OVOL2: variants seen among roughly 807,000 people sequenced by gnomAD.
OVOL2 encodes the protein transcription factor Ovo-like 2.
A neutral mutation model predicts 18.1 loss-of-function variants in OVOL2; 13 were observed. The ratio of observed to expected loss-of-function variants is 0.72; its 90% CI spans 0.47 to 1.14. OVOL2 has a LOEUF of 1.14. Among genes scored for constraint, OVOL2 ranks in the 50% most tolerant of loss-of-function variants. The pLI, the probability that OVOL2 is intolerant of heterozygous loss-of-function variation, is 0.00. For synonymous variants in OVOL2, 166 were observed against 162.7 expected (o/e 1.02, Z -0.16); for missense variants, 335 against 383.0 (o/e 0.87, Z 1.05).
Position 18,024,644 on chromosome 20 carries a change from TCTC to T in OVOL2, c.817_819del (p.Glu273del), listed in dbSNP as rs776708385. The T allele has an allele frequency of 1.3e-5, 21 of 1,600,210 alleles. No homozygotes were observed. In the South Asian group the frequency reaches 2.1e-4, roughly 16 times the overall value. On this transcript the variant is annotated inframe_deletion, in exon 4 of 4. Transcript: ENST00000278780. ...CCTCCCCTTCCTTCTCCTCACTTCC[TCTC>T]CTCCTCCTCACTCAGGCTGGTATTC...
At chr20:18,048,677 A>G (rs995333400) in intron 2 of OVOL2, among the ~76,000 whole-genome samples, 13 of 152,224 alleles carry the variant, frequency 8.5e-5, no homozygotes, top group African/African-American at 2.9e-4. Flanking sequence ...ACTGCATTCC[A>G]GCCCGAGTGA....
chr20:18,043,807 A>T (rs1003659612), intron 2 of OVOL2, among the ~76,000 whole-genome samples: 4 of 152,202 alleles, frequency 2.6e-5, no homozygotes, highest in African/African-American at 9.7e-5. Flanking sequence ...CATCTGGGTG[A>T]TAAAAATGAT....
In OVOL2 at chr20:18,024,466, C is replaced by A; in HGVS notation, c.*170G>T. ...AGGTTACAGGGCCTGACGTCACTAA[C>A]GGCAACTGACAATCTTGGAATGGAC... On this transcript the variant is annotated 3_prime_UTR_variant, in exon 4 of 4. Coordinates refer to ENST00000278780, the MANE Select transcript of OVOL2 (RefSeq NM_021220.4). 9 of 1,377,422 alleles carry A rather than the reference C, an allele frequency of 6.5e-6. No individual in the cohort carries two copies. The highest frequency in any genetic ancestry group is 8.6e-6 in the Non-Finnish European group (9 of 1,050,324). The allele number at this position is 1,377,422 out of a possible 1,614,324, so 85.3% of individuals were successfully genotyped here.
At chr20:18,039,654 T>C (rs2122707165) in intron 3 of OVOL2, among the ~76,000 whole-genome samples, 1 of 148,276 alleles carries the variant, frequency 6.7e-6, no homozygotes, top group East Asian at 1.9e-4. Context: ...GAAAAAGTTT[T>C]AAAAGAGGAA....
In OVOL2 at chr20:18,056,731, C is replaced by T; in HGVS notation, c.247G>A (p.Glu83Lys). Residue 83 changes from glutamate to lysine, a missense_variant, in exon 2 of 4, where the codon GAG becomes AAG. Physicochemically the swap from Glu to Lys is moderately conservative, Grantham distance 56. Transcript: ENST00000278780. The surrounding 1 kb of genome is among the most constrained non-coding windows in gnomAD (Gnocchi z 4.2). ...TCGGGGCCCTCGGCGTCGCCGGGCT[C>T]GGGGGTTTCGCTCTCGGGGGCGTGC... ...SPHAPESETP[E>K]PGDAEGPDGH... is the part of the protein sequence containing the mutation. 3.4e-6 allele frequency: 5 copies of T among 1,479,110 alleles called. No homozygotes were observed. The highest frequency in any genetic ancestry group is 4.5e-6 in the Non-Finnish European group (5 of 1,122,130). 91.6% of individuals were successfully genotyped at this position (1,479,110 alleles called of 1,614,324 possible).
At chr20:18,048,230 C>T (rs111801459) in intron 2 of OVOL2, among the ~76,000 whole-genome samples, 27,416 of 151,754 alleles carry the variant, frequency 0.18, 2,635 homozygotes, top group African/African-American at 0.26. Flanking sequence ...GAGTTTGCAG[C>T]GAGCCAAGAT....
chr20:18,029,993 AAACAAACC>A (rs1363162067), intron 3 of OVOL2, among the ~76,000 whole-genome samples: 2 of 152,152 alleles, frequency 1.3e-5, no homozygotes, highest in African/African-American at 4.8e-5. Flanking sequence ...AACAGAAAAC[AAACAAACC>A]AACCCTCACC....
intron 3 of OVOL2, among the ~76,000 whole-genome samples, chr20:18,041,124 A>G (rs2036663751): frequency 6.6e-6 from 1 of 152,158 alleles, no homozygotes; most frequent in South Asian, 2.1e-4. Flanking sequence ...AGGTGAACCC[A>G]GAAGGGCTGG....
At chr20:18,032,667 C>T (rs909647167) in intron 3 of OVOL2, among the ~76,000 whole-genome samples, 2 of 150,462 alleles carry the variant, frequency 1.3e-5, no homozygotes, top group African/African-American at 4.9e-5. Context: ...CCACCATGCC[C>T]AGCTAATTTT....
chr20:18,037,837 T>C (rs1430614400), intron 3 of OVOL2, among the ~76,000 whole-genome samples: 1 of 152,134 alleles, frequency 6.6e-6, no homozygotes, highest in Non-Finnish European at 1.5e-5. Flanking sequence ...TTGGCTGTCT[T>C]CCCTCCTGAC....
At chr20:18,044,703 T>A (rs1481891396) in intron 2 of OVOL2, among the ~76,000 whole-genome samples, 1 of 152,100 alleles carries the variant, frequency 6.6e-6, no homozygotes, top group Admixed American at 6.5e-5. Flanking sequence ...CATTGACATC[T>A]GAGAGGCCCA....
At chr20:18,031,386 A>G (rs548973287) in intron 3 of OVOL2, among the ~76,000 whole-genome samples, 1 of 152,200 alleles carries the variant, frequency 6.6e-6, no homozygotes, top group South Asian at 2.1e-4. Context: ...AGCCTGGCCA[A>G]TATGGTGAAA....
intron 2 of OVOL2, among the ~76,000 whole-genome samples, chr20:18,043,110 C>G (rs1413688029): frequency 6.6e-6 from 1 of 152,144 alleles, no homozygotes; most frequent in Non-Finnish European, 1.5e-5. Context: ...TTCCTGCTGA[C>G]TAGAGCACCA....
chr20:18,047,853 C>CAAAAAAAAAAAAAAAAA (rs34668253), intron 2 of OVOL2, among the ~76,000 whole-genome samples: 3 of 47,150 alleles, frequency 6.4e-5, no homozygotes, highest in African/African-American at 2.6e-4. Context: ...GACTCCGTCT[C>CAAAAAAAAAAAAAAAAA]AAAAAAAAAA....
intron 3 of OVOL2, among the ~76,000 whole-genome samples, chr20:18,029,023 T>TTTTTA (rs201100032): frequency 3.8e-5 from 5 of 129,904 alleles, no homozygotes; most frequent in East Asian, 4.8e-4. Context: ...TATATGTACA[T>TTTTTA]TTTTATTTTA....
intron 3 of OVOL2, among the ~76,000 whole-genome samples, chr20:18,031,170 A>G (rs1422773027): frequency 6.6e-6 from 1 of 152,164 alleles, no homozygotes; most frequent in African/African-American, 2.4e-5. Flanking sequence ...GTCCAAGGCC[A>G]CCGAAGAGCC....
At chr20:18,053,836 T>C (rs2036792690) in intron 2 of OVOL2, among the ~76,000 whole-genome samples, 1 of 152,142 alleles carries the variant, frequency 6.6e-6, no homozygotes, top group Non-Finnish European at 1.5e-5. Context: ...CCTGGTTACA[T>C]TTCCAGCTCT....
intron 2 of OVOL2, among the ~76,000 whole-genome samples, chr20:18,048,006 G>C (rs772334317): frequency 6.6e-6 from 1 of 151,864 alleles, no homozygotes; most frequent in Admixed American, 6.6e-5. Context: ...CTTGTTTCTC[G>C]GCCAGATACG....
chr20:18,038,799 G>C (rs1306681942), intron 3 of OVOL2, among the ~76,000 whole-genome samples: 2 of 151,976 alleles, frequency 1.3e-5, no homozygotes, highest in African/African-American at 4.8e-5. Flanking sequence ...AATGGCCAGC[G>C]ACTTCAGGAG....
Sources: gnomAD v4.1 joint callset for allele counts (sites outside exome capture counted in the v4.1 genomes callset) on GRCh38, gnomAD v4.1.1 for gene constraint, Gnocchi (gnomAD v3.1) non-coding constraint, MANE v1.5 for transcripts, NCBI Gene and HGNC (gene_info 2026-07-23, HGNC 2026-07-21) for gene names.